Variants in DOCK5 observed in about 807,000 individuals in gnomAD.
DOCK5 encodes dedicator of cytokinesis 5, also known as dedicator of cytokinesis protein 5.
In DOCK5, 142 loss-of-function variants were observed where a neutral mutation model predicts 251.8. The observed-to-expected ratio is 0.56, with a 90% CI of 0.49 to 0.65. The LOEUF (loss-of-function observed/expected upper bound fraction) is 0.65. Among genes scored for constraint, DOCK5 ranks in the 30% least tolerant of loss-of-function variants. The probability of loss-of-function intolerance (pLI) is 0.00; values close to 1 mark genes in which losing one functional copy is unlikely to be tolerated. For missense variants in DOCK5, 2,111 were observed against 2,312.3 expected, an observed-to-expected ratio of 0.91 and a Z score of 1.79; for synonymous variants, 842 against 835.5, an observed-to-expected ratio of 1.01 and a Z score of -0.13.
intron 27 of DOCK5, among the ~76,000 whole-genome samples, chr8:25,356,158 C>T (rs552245162): frequency 6.6e-6 from 1 of 152,264 alleles, no homozygotes; most frequent in South Asian, 2.1e-4. Flanking sequence ...TGAGATCGCG[C>T]CACTGCACTC....
intron 22 of DOCK5, among the ~76,000 whole-genome samples, chr8:25,339,798 A>G (rs1190069743): frequency 6.6e-6 from 1 of 152,196 alleles, no homozygotes; most frequent in Non-Finnish European, 1.5e-5. Context: ...GTGTAGTGGG[A>G]AGCCGTTGGG....
chr8:25,369,511 C>T (rs531903191), intron 33 of DOCK5, 45 bp from the exon 34 acceptor site: 11 of 1,550,540 alleles, frequency 7.1e-6, no homozygotes, highest in Non-Finnish European at 9.6e-6. Flanking sequence ...ATGTCTTCTT[C>T]TAAGGATGCA....
At chr8:25,273,797 T>C (rs1803975557) in intron 3 of DOCK5, among the ~76,000 whole-genome samples, 1 of 152,186 alleles carries the variant, frequency 6.6e-6, no homozygotes. Flanking sequence ...GACACACATT[T>C]AATTTTTGTT....
intron 1 of DOCK5, among the ~76,000 whole-genome samples, chr8:25,213,341 C>G (rs1418559965): frequency 2.0e-5 from 3 of 147,520 alleles, no homozygotes; most frequent in African/African-American, 7.6e-5. Flanking sequence ...TCAGGAGCCT[C>G]CTGAAAACAG....
At chr8:25,193,115 A>G (rs1419808892) in intron 1 of DOCK5, among the ~76,000 whole-genome samples, 5 of 152,080 alleles carry the variant, frequency 3.3e-5, no homozygotes, top group African/African-American at 7.2e-5. Flanking sequence ...ATTATGTTCT[A>G]TTTAGTCACA....
intron 4 of DOCK5, 91 bp downstream of exon 4, chr8:25,275,532 G>C: frequency 7.8e-7 from 1 of 1,283,724 alleles, no homozygotes; most frequent in Non-Finnish European, 1.1e-6. Flanking sequence ...CCTTATGTAC[G>C]TTAATAGTTC....
intron 2 of DOCK5, among the ~76,000 whole-genome samples, chr8:25,254,985 G>T (rs1803382846): frequency 6.6e-6 from 1 of 151,968 alleles, no homozygotes; most frequent in African/African-American, 2.4e-5. Flanking sequence ...TTAGAGAATT[G>T]AAAATTAAAG....
At chr8:25,245,018 C>A (rs1358927035) in intron 2 of DOCK5, among the ~76,000 whole-genome samples, 1 of 152,160 alleles carries the variant, frequency 6.6e-6, no homozygotes, top group African/African-American at 2.4e-5. Flanking sequence ...TTTCCAGAAT[C>A]TTTTGCTTAT....
chr8:25,389,591 T>C (rs937975777), intron 41 of DOCK5, among the ~76,000 whole-genome samples: 11 of 152,174 alleles, frequency 7.2e-5, no homozygotes, highest in Non-Finnish European at 1.6e-4. Context: ...TTCTAAGACT[T>C]GATCATTAAA....
intron 43 of DOCK5, 41 bp downstream of exon 43, chr8:25,392,021 G>C: frequency 6.3e-7 from 1 of 1,588,814 alleles, no homozygotes; most frequent in Non-Finnish European, 8.6e-7. Context: ...TAAAATTAAC[G>C]GGCTGAGCAC....
intron 28 of DOCK5, among the ~76,000 whole-genome samples, chr8:25,360,896 T>G (rs1800666212): frequency 1.3e-5 from 2 of 152,202 alleles, no homozygotes; most frequent in South Asian, 4.1e-4. Flanking sequence ...ACCTCCTGTT[T>G]GCCAGCATGG....
At chr8:25,222,399 G>T (rs1020038262) in intron 1 of DOCK5, among the ~76,000 whole-genome samples, 1 of 152,102 alleles carries the variant, frequency 6.6e-6, no homozygotes, top group Admixed American at 6.5e-5. Flanking sequence ...TCTAGGCTGG[G>T]GGGATATGAG....
chr8:25,398,815 G>A (rs1200560505), intron 45 of DOCK5, among the ~76,000 whole-genome samples: 1 of 152,152 alleles, frequency 6.6e-6, no homozygotes, highest in African/African-American at 2.4e-5. Context: ...ATCTGCAACA[G>A]CCTTGCTTCC....
At chr8:25,216,224 T>C (rs1484768547) in intron 1 of DOCK5, among the ~76,000 whole-genome samples, 1 of 121,580 alleles carries the variant, frequency 8.2e-6, no homozygotes, top group African/African-American at 3.2e-5. Context: ...AATATGTATA[T>C]ATGTATACAA....
intron 51 of DOCK5, among the ~76,000 whole-genome samples, 191 bp downstream of exon 51, chr8:25,410,393 T>A (rs1801600770): frequency 6.6e-6 from 1 of 151,810 alleles, no homozygotes; most frequent in South Asian, 2.1e-4. Context: ...AAGCAGATGA[T>A]GAAGGTAGAG....
intron 2 of DOCK5, among the ~76,000 whole-genome samples, chr8:25,257,863 A>C (rs962236139): frequency 6.6e-6 from 1 of 152,164 alleles, no homozygotes; most frequent in Non-Finnish European, 1.5e-5. Context: ...CATTGCTCCT[A>C]CTGACAAAAC....
chr8:25,297,243 C>T (rs7817931), intron 7 of DOCK5, among the ~76,000 whole-genome samples: 2,689 of 151,600 alleles, frequency 0.018, 75 homozygotes, highest in African/African-American at 0.058. Context: ...TACAGGCACC[C>T]ACCACCACAC....
rs146043444 is a variant in DOCK5 at position 25,259,502 on chromosome 8, G to C, written c.128-9343G>C. On this transcript the variant is annotated intron_variant, in intron 2 of 51. Transcript: ENST00000276440. The stretch of plus-strand genomic sequence containing the variant: ...AGGCAGTCTTGCTCTATCACCTAGG[G>C]TAGAACACAGTGGCACCATCATGAC... 4.2e-3 allele frequency among the ~76,000 whole-genome samples: 631 copies of C among 151,964 alleles called. 2 individuals carry two copies. Among genetic ancestry groups the C allele is most frequent in the African/African-American group, 0.015 (605 of 41,448 alleles).
At position 25,395,585 on chromosome 8, in the gene DOCK5, C is replaced by G; in HGVS notation, c.4570C>G (p.Leu1524Val). 1 of 1,613,724 alleles carries G rather than the reference C, an allele frequency of 6.2e-7. No homozygotes were observed. The highest frequency in any genetic ancestry group is 8.5e-7 in the Non-Finnish European group (1 of 1,179,816). ...GGAGAATGCCATCGAAACCATGGAG[C>G]TGACCAACGAGAGGATCAGCAACTG... ...PLENAIETMELTNERISNCVQ... is the reference protein window; with the variant it reads ...PLENAIETMEVTNERISNCVQ... Residue 1524 changes from leucine to valine, a missense_variant, in exon 45 of 52, where the codon CTG becomes GTG. This residue lies in a region of DOCK5 where 1,717 missense variants were observed against 1,892.4 expected (regional missense o/e 0.91). Coordinates refer to ENST00000276440, the MANE Select transcript of DOCK5 (RefSeq NM_024940.8).
Sources: gnomAD v4.1 joint callset for allele counts (sites outside exome capture counted in the v4.1 genomes callset) on GRCh38, gnomAD v4.1.1 for gene constraint, gnomAD v4.1.1 regional missense constraint, MANE v1.5 for transcripts, NCBI Gene and HGNC (gene_info 2026-07-23, HGNC 2026-07-21) for gene names.